The following SH3BP5 variants were observed in gnomAD, a reference collection of about 807,000 sequenced individuals.
SH3BP5 encodes the protein SH3 domain-binding protein 5.
Under a neutral mutation model 43.3 loss-of-function variants are expected in SH3BP5, and 22 were observed. The ratio of observed to expected loss-of-function variants is 0.51; its 90% CI spans 0.36 to 0.73. The LOEUF (loss-of-function observed/expected upper bound fraction) is 0.73. Among genes scored for constraint, SH3BP5 ranks in the 30% least tolerant of loss-of-function variants. The probability of loss-of-function intolerance (pLI) is 0.00; values close to 1 mark genes in which losing one functional copy is unlikely to be tolerated. For missense variants in SH3BP5, 529 were observed against 586.9 expected (o/e 0.90, Z 1.02); for synonymous variants, 255 against 225.8 (o/e 1.13, Z -1.16).
At chr3:15,297,462 C>A (rs929210786) in intron 3 of SH3BP5, among the ~76,000 whole-genome samples, 3 of 152,114 alleles carry the variant, frequency 2.0e-5, no homozygotes, top group Non-Finnish European at 2.9e-5. Flanking sequence ...AAAAATACAT[C>A]TAGGATAATC....
rs1698622996 is a variant in SH3BP5, at chr3:15,332,033, G to A, written c.138+238C>T. The A allele has an allele frequency of 8.6e-6, 5 of 581,790 alleles. No individual in the cohort carries two copies. The Admixed American group carries it at 1.4e-4, about 16-fold the overall frequency. 36.0% of individuals were successfully genotyped at this position (581,790 alleles called of 1,614,324 possible). ...GGCACGCTGCACCGACCCCGATCCT[G>A]CTACGGGTCGGCGGGGGACTCCCCG... On this transcript the variant is annotated intron_variant, in intron 1 of 8. Transcript: ENST00000383791.
intron 2 of SH3BP5, among the ~76,000 whole-genome samples, chr3:15,312,175 A>T (rs1238796055): frequency 6.6e-6 from 1 of 152,200 alleles, no homozygotes; most frequent in Non-Finnish European, 1.5e-5. Flanking sequence ...AAGCTACCTG[A>T]CAGGTGACAT....
chr3:15,292,201 A>AG (rs911245311), intron 3 of SH3BP5, among the ~76,000 whole-genome samples: 1 of 152,226 alleles, frequency 6.6e-6, no homozygotes, highest in African/African-American at 2.4e-5. Context: ...ACAGTTGAGA[A>AG]GAAGGAAGGA....
At chr3:15,268,810 G>A (rs1169819192) in intron 4 of SH3BP5, among the ~76,000 whole-genome samples, 4 of 152,120 alleles carry the variant, frequency 2.6e-5, no homozygotes, top group African/African-American at 9.7e-5. Flanking sequence ...GGGAAGTGAT[G>A]AGGTAATGAG....
At chr3:15,304,339 A>G (rs780952713) in intron 2 of SH3BP5, 108 bp from the exon 3 acceptor site, 2 of 1,520,902 alleles carry the variant, frequency 1.3e-6, no homozygotes, top group Admixed American at 3.5e-5. Flanking sequence ...CCCAACGTAC[A>G]GACCCCTAAA....
chr3:15,323,205 C>G (rs554444281), intron 2 of SH3BP5, among the ~76,000 whole-genome samples: 5 of 152,288 alleles, frequency 3.3e-5, no homozygotes, highest in Non-Finnish European at 7.4e-5. Flanking sequence ...CACATTACAG[C>G]AGGCAGGCCA....
chr3:15,306,054 T>TAAAAAAAAAAAAAAAAAAAAAAAA (rs60186514), intron 2 of SH3BP5, among the ~76,000 whole-genome samples: 1 of 137,032 alleles, frequency 7.3e-6, no homozygotes, highest in Non-Finnish European at 1.5e-5. Flanking sequence ...TGCATGAGTT[T>TAAAAAAAAAAAAAAAAAAAAAAAA]AAAAAAAAAA....
At chr3:15,320,640 A>ACACACACACACACACACCCC (rs373879792) in intron 2 of SH3BP5, among the ~76,000 whole-genome samples, 1 of 149,560 alleles carries the variant, frequency 6.7e-6, no homozygotes, top group African/African-American at 2.5e-5. Flanking sequence ...ACACACACAC[A>ACACACACACACACACACCCC]CCCCACTACG....
chr3:15,280,642 ACTCT>A (rs753894396), intron 3 of SH3BP5, among the ~76,000 whole-genome samples: 2 of 151,570 alleles, frequency 1.3e-5, no homozygotes, highest in Non-Finnish European at 2.9e-5. Flanking sequence ...ACACTCTCGC[ACTCT>A]CTCTGTCCCC....
intron 3 of SH3BP5, among the ~76,000 whole-genome samples, chr3:15,287,526 C>G (rs1251292274): frequency 6.6e-6 from 1 of 152,190 alleles, no homozygotes; most frequent in African/African-American, 2.4e-5. Flanking sequence ...TGCACCGTCC[C>G]AAAATAGTAG....
intron 3 of SH3BP5, among the ~76,000 whole-genome samples, chr3:15,290,272 T>C (rs1201267943): frequency 1.3e-5 from 2 of 151,936 alleles, no homozygotes; most frequent in East Asian, 1.9e-4. Context: ...CTCACGTCTG[T>C]AATCCCAGCA....
intron 2 of SH3BP5, among the ~76,000 whole-genome samples, 178 bp downstream of exon 2, chr3:15,330,326 T>A (rs985325315): frequency 6.6e-6 from 1 of 152,246 alleles, no homozygotes; most frequent in Non-Finnish European, 1.5e-5. Context: ...TGGATCCACA[T>A]GCGTTCCGCC....
chr3:15,291,475 A>G (rs541430254), intron 3 of SH3BP5, among the ~76,000 whole-genome samples: 36 of 152,334 alleles, frequency 2.4e-4, no homozygotes, highest in Admixed American at 3.9e-4. Context: ...TTATGTACCA[A>G]ATATGGCATA....
At chr3:15,327,655 A>C (rs1698498308) in intron 2 of SH3BP5, among the ~76,000 whole-genome samples, 1 of 152,140 alleles carries the variant, frequency 6.6e-6, no homozygotes, top group African/African-American at 2.4e-5. Flanking sequence ...CCAACCAAAA[A>C]CGTAAACTCC....
rs767684157 is a variant in SH3BP5, at chr3:15,294,286, AGTAAGT to A, written c.330+9811_330+9816del. Among the ~76,000 whole-genome samples the A allele has an allele frequency of 1.8e-3, 239 of 133,006 alleles. 3 individuals are homozygous for A. The Middle Eastern group carries it at 0.045, about 25-fold the overall frequency. 87.3% of individuals were successfully genotyped at this position (133,006 alleles called of 152,430 possible). On this transcript the variant is annotated intron_variant, in intron 3 of 8. Coordinates refer to ENST00000383791, the MANE Select transcript of SH3BP5 (RefSeq NM_004844.5). ...AAGCCCCAGTTTCTTCTTCTGCAAA[AGTAAGT>A]GTGTGTGTGTGTGTGTGTGTGTGTG... is the stretch of plus-strand genomic sequence containing the variant.
intron 3 of SH3BP5, among the ~76,000 whole-genome samples, chr3:15,301,564 A>G (rs1697753736): frequency 6.6e-6 from 1 of 152,166 alleles, no homozygotes; most frequent in Non-Finnish European, 1.5e-5. Flanking sequence ...TGGGGCTGGC[A>G]GGGATGGTGG....
intron 2 of SH3BP5, among the ~76,000 whole-genome samples, chr3:15,311,453 G>A (rs956707649): frequency 4.3e-4 from 66 of 152,102 alleles, no homozygotes; most frequent in African/African-American, 1.2e-3. Flanking sequence ...CCAGCTACTC[G>A]GGAGGCTGAG....
upstream of SH3BP5, chr3:15,332,671 GC>G: frequency 8.7e-7 from 1 of 1,145,108 alleles, no homozygotes; most frequent in Non-Finnish European, 1.1e-6. Flanking sequence ...CTCGCGTTCC[GC>G]CGCCAGTCCC....
chr3:15,337,111 A>T (rs1388626503), upstream of SH3BP5, among the ~76,000 whole-genome samples: 2 of 79,954 alleles, frequency 2.5e-5, no homozygotes, highest in Admixed American at 1.5e-4. Context: ...TTTTTTTGGG[A>T]CAGAGTCGCG....
Sources: allele counts gnomAD v4.1 joint callset (sites outside exome capture counted in the v4.1 genomes callset), GRCh38; gene constraint gnomAD v4.1.1; transcripts MANE v1.5; gene names NCBI Gene and HGNC (gene_info 2026-07-23, HGNC 2026-07-21).